CSMD1: variants seen among roughly 807,000 people sequenced by gnomAD.
The protein encoded by CSMD1 is CUB and sushi domain-containing protein 1.
A neutral mutation model predicts 417.5 loss-of-function variants in CSMD1; 213 were observed. The ratio of observed to expected loss-of-function variants is 0.51; its 90% CI spans 0.46 to 0.57. The LOEUF is 0.57. CSMD1 is among the 20% of genes least tolerant of loss of function. The probability of loss-of-function intolerance (pLI) is 0.00; values close to 1 mark genes in which losing one functional copy is unlikely to be tolerated. For missense variants in CSMD1, 6,923 were observed against 4,529.7 expected, an observed-to-expected ratio of 1.53 and a Z score of -15.17; for synonymous variants, 2,862 against 1,736.8, an observed-to-expected ratio of 1.65 and a Z score of -16.11.
At chr8:3,260,564 G>C (rs920272758) in intron 26 of CSMD1, among the ~76,000 whole-genome samples, 3 of 150,268 alleles carry the variant, frequency 2.0e-5, no homozygotes, top group African/African-American at 4.9e-5. Context: ...TAACTACAGA[G>C]AGGGTCCACC....
At chr8:4,933,796 G>A (rs1488441557) in intron 1 of CSMD1, among the ~76,000 whole-genome samples, 1 of 152,018 alleles carries the variant, frequency 6.6e-6, no homozygotes, top group African/African-American at 2.4e-5. Context: ...CCTTCTAAAG[G>A]GACCTAGATG....
At chr8:3,266,463 G>C (rs373947694) in intron 26 of CSMD1, among the ~76,000 whole-genome samples, 131 of 151,672 alleles carry the variant, frequency 8.6e-4, no homozygotes, top group South Asian at 2.3e-3. Flanking sequence ...AAAATTAGCC[G>C]GGCATGGTGG....
intron 3 of CSMD1, among the ~76,000 whole-genome samples, chr8:4,334,941 G>C (rs774920840): frequency 6.6e-6 from 1 of 152,100 alleles, no homozygotes; most frequent in Non-Finnish European, 1.5e-5. Flanking sequence ...CTGTATTTTT[G>C]CTACATCCTC....
chr8:2,997,805 G>A (rs540402022), intron 54 of CSMD1, among the ~76,000 whole-genome samples: 11 of 152,230 alleles, frequency 7.2e-5, no homozygotes, highest in African/African-American at 1.9e-4. Context: ...CTAGATTTTC[G>A]TAATTGAACA....
chr8:3,896,020 G>C (rs1012453746), intron 5 of CSMD1, among the ~76,000 whole-genome samples: 2 of 152,168 alleles, frequency 1.3e-5, no homozygotes, highest in African/African-American at 4.8e-5. Context: ...GTTTCTTCCA[G>C]AAAAAGAAAG....
intron 3 of CSMD1, among the ~76,000 whole-genome samples, chr8:4,307,661 G>T (rs111946983): frequency 2.0e-5 from 3 of 152,120 alleles, no homozygotes; most frequent in African/African-American, 7.2e-5. Context: ...TGGGAAATGG[G>T]TTAAAATACA....
intron 55 of CSMD1, among the ~76,000 whole-genome samples, chr8:2,977,303 C>G (rs775807382): frequency 6.6e-6 from 1 of 152,090 alleles, no homozygotes; most frequent in Non-Finnish European, 1.5e-5. Context: ...TTGGTCCTCT[C>G]CCTGTGTCTA....
chr8:3,400,876 T>A (rs144993849), intron 15 of CSMD1, among the ~76,000 whole-genome samples: 1,846 of 151,442 alleles, frequency 0.012, 47 homozygotes, highest in East Asian at 0.094. Context: ...TTCTGTAGTT[T>A]AAAAATATGA....
chr8:2,980,684 C>G (rs61301775), intron 54 of CSMD1, among the ~76,000 whole-genome samples: 5,483 of 152,232 alleles, frequency 0.036, 324 homozygotes, highest in African/African-American at 0.13. Context: ...GGTTCATAAC[C>G]TTGCTCTGAA....
intron 5 of CSMD1, among the ~76,000 whole-genome samples, chr8:3,953,020 G>A (rs1425879090): frequency 6.6e-6 from 1 of 151,962 alleles, no homozygotes; most frequent in Admixed American, 6.6e-5. Flanking sequence ...AAATACATGA[G>A]AAGGTTTACT....
chr8:3,938,627 C>A (rs1256741523), intron 5 of CSMD1, among the ~76,000 whole-genome samples: 1 of 152,118 alleles, frequency 6.6e-6, no homozygotes, highest in African/African-American at 2.4e-5. Context: ...GGCTAGGCTG[C>A]CCCAGCAGGT....
At chr8:4,481,188 A>G (rs532761393) in intron 2 of CSMD1, among the ~76,000 whole-genome samples, 1 of 152,352 alleles carries the variant, frequency 6.6e-6, no homozygotes, top group Admixed American at 6.5e-5. Flanking sequence ...ATTATAGTCA[A>G]TTGTGCTTGT....
At chr8:4,774,130 G>A (rs540458248) in intron 1 of CSMD1, among the ~76,000 whole-genome samples, 6 of 152,316 alleles carry the variant, frequency 3.9e-5, no homozygotes, top group Admixed American at 1.3e-4. Context: ...AACCCAGGAG[G>A]TGGAGGTGGC....
chr8:3,239,920 G>T (rs1287421865), intron 26 of CSMD1, among the ~76,000 whole-genome samples: 1 of 151,870 alleles, frequency 6.6e-6, no homozygotes, highest in African/African-American at 2.4e-5. Context: ...AATGGTAATT[G>T]TGGGAGACTC....
intron 3 of CSMD1, among the ~76,000 whole-genome samples, chr8:4,306,764 G>T (rs923802620): frequency 2.6e-5 from 4 of 152,042 alleles, no homozygotes; most frequent in Admixed American, 6.6e-5. Flanking sequence ...GTGTTCTGGT[G>T]CGAGTCCACA....
intron 10 of CSMD1, among the ~76,000 whole-genome samples, chr8:3,526,059 G>A (rs975631354): frequency 2.6e-5 from 4 of 152,164 alleles, no homozygotes; most frequent in Non-Finnish European, 5.9e-5. Flanking sequence ...CTGGGTATAT[G>A]TAGCTTCAAA....
intron 3 of CSMD1, among the ~76,000 whole-genome samples, chr8:4,307,830 T>G (rs915058421): frequency 2.0e-5 from 3 of 152,158 alleles, no homozygotes; most frequent in African/African-American, 7.2e-5. Context: ...AATATGATGA[T>G]TTAACTGTGG....
intron 3 of CSMD1, among the ~76,000 whole-genome samples, chr8:4,215,408 C>T (rs1255581097): frequency 6.6e-6 from 1 of 152,052 alleles, no homozygotes; most frequent in African/African-American, 2.4e-5. Context: ...GCAAAGATAC[C>T]ATGTCTGAAT....
intron 26 of CSMD1, among the ~76,000 whole-genome samples, chr8:3,240,883 G>T (rs1313787465): frequency 6.6e-6 from 1 of 152,068 alleles, no homozygotes; most frequent in Non-Finnish European, 1.5e-5. Flanking sequence ...AGAGTTTATA[G>T]GCTTTAAGAG....
Sources: allele counts gnomAD v4.1 joint callset (sites outside exome capture counted in the v4.1 genomes callset), GRCh38; gene constraint gnomAD v4.1.1; transcripts MANE v1.5; gene names NCBI Gene and HGNC (gene_info 2026-07-23, HGNC 2026-07-21).